Variants in GRIK2 observed in about 807,000 individuals in gnomAD.
The protein encoded by GRIK2 is glutamate receptor ionotropic, kainate 2.
GRIK2 carries 32 observed loss-of-function variants against 100.3 expected under a neutral mutation model. The ratio of observed to expected loss-of-function variants is 0.32; its 90% CI spans 0.24 to 0.43. The LOEUF is 0.43. GRIK2 is among the 20% of genes least tolerant of loss of function. The pLI, the probability that GRIK2 is intolerant of heterozygous loss-of-function variation, is 1.00. For synonymous variants in GRIK2, 417 were observed against 389.4 expected (o/e 1.07, Z -0.83); for missense variants, 843 against 1,114.9 (o/e 0.76, Z 3.47).
chr6:101,789,242 T>C (rs1268365880), intron 7 of GRIK2, among the ~76,000 whole-genome samples: 1 of 152,238 alleles, frequency 6.6e-6, no homozygotes, highest in Non-Finnish European at 1.5e-5. Context: ...TGGCTTTTGT[T>C]GCCATTGCTT....
chr6:101,500,357 AATAAG>A (rs1773681518), intron 2 of GRIK2, among the ~76,000 whole-genome samples: 1 of 152,128 alleles, frequency 6.6e-6, no homozygotes, highest in African/African-American at 2.4e-5. Flanking sequence ...GATTTATGTG[AATAAG>A]ATATTTTTTT....
chr6:101,396,247 C>A (rs562090057), intron 1 of GRIK2, among the ~76,000 whole-genome samples: 2 of 148,022 alleles, frequency 1.4e-5, no homozygotes, highest in Non-Finnish European at 3.0e-5. Flanking sequence ...AGCATTCCCC[C>A]CCCCCCCAGG....
At chr6:101,555,571 T>C (rs575075051) in intron 2 of GRIK2, among the ~76,000 whole-genome samples, 222 of 152,314 alleles carry the variant, frequency 1.5e-3, no homozygotes, top group African/African-American at 5.1e-3. Context: ...CATCTAAAAT[T>C]TTATGTAATA....
At chr6:102,034,439 C>A (rs1258248247) in intron 14 of GRIK2, among the ~76,000 whole-genome samples, 1 of 151,266 alleles carries the variant, frequency 6.6e-6, no homozygotes, top group East Asian at 1.9e-4. Flanking sequence ...GATGAATATC[C>A]TTCCTGTGTT....
chr6:101,720,751 A>G (rs1193613045), intron 7 of GRIK2, among the ~76,000 whole-genome samples: 4 of 152,022 alleles, frequency 2.6e-5, no homozygotes, highest in Non-Finnish European at 5.9e-5. Flanking sequence ...AGTTTTAGTT[A>G]AACTCACTTA....
intron 2 of GRIK2, among the ~76,000 whole-genome samples, chr6:101,590,547 G>A (rs926746203): frequency 3.9e-5 from 6 of 151,910 alleles, no homozygotes; most frequent in Admixed American, 3.9e-4. Flanking sequence ...CTATATACCC[G>A]TTCCAGCCCA....
intron 4 of GRIK2, among the ~76,000 whole-genome samples, chr6:101,631,165 A>T (rs979732829): frequency 3.9e-5 from 6 of 152,174 alleles, no homozygotes; most frequent in African/African-American, 1.4e-4. Context: ...TCCAAAAATG[A>T]TGGAAAAGAA....
chr6:101,691,105 T>C (rs1772061625), intron 7 of GRIK2, among the ~76,000 whole-genome samples: 1 of 152,174 alleles, frequency 6.6e-6, no homozygotes, highest in Non-Finnish European at 1.5e-5. Context: ...AGTGACTGCC[T>C]GATTGAATAA....
intron 7 of GRIK2, among the ~76,000 whole-genome samples, chr6:101,734,447 A>C (rs183848763): frequency 6.6e-6 from 1 of 152,220 alleles, no homozygotes; most frequent in East Asian, 1.9e-4. Flanking sequence ...CCAGGCCTTC[A>C]AATGATTGGA....
chr6:102,018,611 A>C (rs578249156), intron 14 of GRIK2, among the ~76,000 whole-genome samples: 1 of 152,016 alleles, frequency 6.6e-6, no homozygotes, highest in South Asian at 2.1e-4. Flanking sequence ...TGAGGTTTCT[A>C]CTCATGGATA....
chr6:101,636,483 A>C (rs916452435), intron 4 of GRIK2, among the ~76,000 whole-genome samples: 1 of 152,132 alleles, frequency 6.6e-6, no homozygotes, highest in African/African-American at 2.4e-5. Context: ...CATGTATCCC[A>C]TAACTTAAAG....
At chr6:101,688,560 T>G (rs1244271096) in intron 7 of GRIK2, among the ~76,000 whole-genome samples, 1 of 151,930 alleles carries the variant, frequency 6.6e-6, no homozygotes. Flanking sequence ...AATTACAAAT[T>G]TGCATTCTCT....
intron 14 of GRIK2, among the ~76,000 whole-genome samples, chr6:101,961,765 C>T (rs189253743): frequency 9.9e-5 from 15 of 152,168 alleles, no homozygotes; most frequent in East Asian, 1.9e-4. Flanking sequence ...GTTAGAATTC[C>T]GGGAATCCCA....
chr6:101,465,621 G>A (rs1408842490), intron 2 of GRIK2, among the ~76,000 whole-genome samples: 3 of 152,172 alleles, frequency 2.0e-5, no homozygotes, highest in East Asian at 3.9e-4. Flanking sequence ...GTAGATCTGC[G>A]GTGAAATCCA....
intron 2 of GRIK2, among the ~76,000 whole-genome samples, chr6:101,602,010 G>A (rs1041526164): frequency 1.3e-5 from 2 of 151,682 alleles, no homozygotes; most frequent in African/African-American, 2.4e-5. Flanking sequence ...TAGGAGTGAT[G>A]TTAAATTGTT....
At chr6:102,012,787 G>C (rs1271385535) in intron 14 of GRIK2, among the ~76,000 whole-genome samples, 1 of 152,080 alleles carries the variant, frequency 6.6e-6, no homozygotes, top group Admixed American at 6.5e-5. Flanking sequence ...CTGTTCCATT[G>C]GTCTATGTGT....
intron 2 of GRIK2, among the ~76,000 whole-genome samples, chr6:101,619,787 G>T (rs1429117547): frequency 6.6e-6 from 1 of 151,916 alleles, no homozygotes; most frequent in Non-Finnish European, 1.5e-5. Flanking sequence ...AGGAAGTTTT[G>T]TATATTTTGC....
Position 102,055,600 on chromosome 6 carries a change from GTTTAAA to G in GRIK2, c.2562+27_2562+32del. 6.4e-7 allele frequency: 1 copy of G among 1,567,418 alleles called. No individual in the cohort carries two copies. Among genetic ancestry groups the G allele is most frequent in the Non-Finnish European group, 8.7e-7 (1 of 1,145,110 alleles). On this transcript the variant is annotated intron_variant, in intron 16 of 16. Transcript: ENST00000369134. ...GAAAAGGTAAATGTTACTTGTTTCAGTTTAAATTTAAAACAATTTTTGTTGTTACAA... is the reference window on the plus strand; with the variant it reads ...GAAAAGGTAAATGTTACTTGTTTCAGTTTAAAACAATTTTTGTTGTTACAA...
At chr6:101,610,908 A>G (rs1779645193) in intron 2 of GRIK2, among the ~76,000 whole-genome samples, 1 of 151,752 alleles carries the variant, frequency 6.6e-6, no homozygotes, top group Non-Finnish European at 1.5e-5. Context: ...AGTTCTATTT[A>G]TATCTTGATA....
Sources: gnomAD v4.1 joint callset for allele counts (sites outside exome capture counted in the v4.1 genomes callset) on GRCh38, gnomAD v4.1.1 for gene constraint, MANE v1.5 for transcripts, NCBI Gene and HGNC (gene_info 2026-07-23, HGNC 2026-07-21) for gene names.